DNAJC24: variants seen among roughly 807,000 people sequenced by gnomAD.
The protein encoded by DNAJC24 is DnaJ heat shock protein family (Hsp40) member C24, also known as dnaJ homolog subfamily C member 24.
A neutral mutation model predicts 18.0 loss-of-function variants in DNAJC24; 17 were observed. The observed-to-expected ratio is 0.94, with a 90% CI of 0.65 to 1.42. The LOEUF (loss-of-function observed/expected upper bound fraction) is 1.42, where lower values mean the gene tolerates loss of function less well. Among genes scored for constraint, DNAJC24 ranks in the 40% most tolerant of loss-of-function variants. The pLI is 0.00. For synonymous variants in DNAJC24, 55 were observed against 57.7 expected (o/e 0.95, Z 0.21); for missense variants, 158 against 175.6 (o/e 0.90, Z 0.57).
At chr11:31,417,421 G>A (rs998983202) in intron 3 of DNAJC24, 1 of 152,004 alleles carries the variant, frequency 6.6e-6, no homozygotes, top group African/African-American at 2.4e-5. Context: ...AAATGAACTT[G>A]AACATCTCTA....
intron 2 of DNAJC24, among the ~76,000 whole-genome samples, chr11:31,403,210 G>C (rs1439544254): frequency 6.6e-6 from 1 of 151,562 alleles, no homozygotes; most frequent in Non-Finnish European, 1.5e-5. Flanking sequence ...TTCTAGTTGT[G>C]TTACTGAACT....
intron 2 of DNAJC24, 58 bp from the exon 3 acceptor site, chr11:31,414,750 TAAA>T: frequency 6.6e-7 from 1 of 1,506,092 alleles, no homozygotes; most frequent in Non-Finnish European, 8.9e-7. Context: ...ACAATTTTTT[TAAA>T]TCTAACCCCA....
chr11:31,408,438 C>T (rs1308912962), intron 2 of DNAJC24: 4 of 260,776 alleles, frequency 1.5e-5, no homozygotes, highest in Non-Finnish European at 3.0e-5. Context: ...GTGACAGTCA[C>T]TCTGGAATTA....
intron 2 of DNAJC24, chr11:31,384,626 ATGTGAAC>A (rs546737226): frequency 8.7e-4 from 133 of 152,366 alleles, no homozygotes; most frequent in Non-Finnish European, 1.0e-3. Context: ...CCCTTGACCC[ATGTGAAC>A]TGATGACAGA....
At position 31,370,740 on chromosome 11, in the gene DNAJC24, G is replaced by T. The variant is rs367627351; in HGVS notation, c.-9G>T. ...GCTAATCTGAGAAGGCCCACTTCTG[G>T]TTCCATGGATGATGGCGGTTGAGCA... On this transcript the variant is annotated 5_prime_UTR_variant, in exon 2 of 5. Coordinates refer to ENST00000465995, the MANE Select transcript of DNAJC24 (RefSeq NM_181706.5). The T allele has an allele frequency of 2.3e-4, 371 of 1,592,174 alleles. 5 individuals carry two copies. In the Middle Eastern group the frequency reaches 4.0e-3, roughly 17 times the overall value.
At chr11:31,389,549 A>G (rs1952467353) in intron 2 of DNAJC24, among the ~76,000 whole-genome samples, 1 of 152,232 alleles carries the variant, frequency 6.6e-6, no homozygotes. Context: ...GTAGAACCCA[A>G]TACAGTAATA....
chr11:31,412,415 A>G (rs1360529774), intron 2 of DNAJC24, among the ~76,000 whole-genome samples: 1 of 152,222 alleles, frequency 6.6e-6, no homozygotes, highest in Admixed American at 6.5e-5. Flanking sequence ...TCATAAATGT[A>G]TCCTGGCATA....
At chr11:31,372,772 T>TCAA (rs1952278112) in intron 2 of DNAJC24, among the ~76,000 whole-genome samples, 2 of 135,624 alleles carry the variant, frequency 1.5e-5, no homozygotes, top group Non-Finnish European at 3.4e-5. Context: ...GCTATTGGAG[T>TCAA]TTTTGCAATT....
intron 2 of DNAJC24, among the ~76,000 whole-genome samples, chr11:31,401,915 C>A (rs984065971): frequency 1.9e-4 from 29 of 152,162 alleles, no homozygotes; most frequent in Non-Finnish European, 4.4e-5. Flanking sequence ...GGATTATTCA[C>A]AAAGATTCCA....
rs192550690 is a variant in DNAJC24, at chr11:31,381,347, A to G, written c.111+10488A>G. Among the ~76,000 whole-genome samples, 28 of 152,218 alleles carry G rather than the reference A, an allele frequency of 1.8e-4. 1 individual carries two copies. Among genetic ancestry groups the G allele is most frequent in the Admixed American group, 1.3e-3 (20 of 15,286 alleles). On this transcript the variant is annotated intron_variant, in intron 2 of 4. Transcript: ENST00000465995. Reference sequence around the variant, plus strand: ...AATTATTTTCTGTGTCACAAATACAATTAATGTTGTTGTGTCCATGTTATC... The same window carrying G: ...AATTATTTTCTGTGTCACAAATACAGTTAATGTTGTTGTGTCCATGTTATC...
At chr11:31,372,787 C>T (rs914810557) in intron 2 of DNAJC24, among the ~76,000 whole-genome samples, 2 of 135,322 alleles carry the variant, frequency 1.5e-5, no homozygotes, top group African/African-American at 5.0e-5. Flanking sequence ...GCAATTTTGC[C>T]ACCATTGACA....
At position 31,430,307 on chromosome 11, in the gene DNAJC24, G is replaced by GA. The variant is rs1952907425; in HGVS notation, c.360dup (p.Tyr121IlefsTer7). The GA allele has an allele frequency of 6.2e-7, 1 of 1,610,798 alleles. No individual in the cohort carries two copies. Among genetic ancestry groups the GA allele is most frequent in the Non-Finnish European group, 8.5e-7 (1 of 1,177,852 alleles). The stretch of plus-strand genomic sequence containing the variant: ...TTTTATCTGAGTTGCAGATGTGGTG[G>GA]AAAATACAGTGTTTCCAAGGATGAA... On this transcript the variant is annotated frameshift_variant, in exon 5 of 5. Coordinates refer to ENST00000465995, the MANE Select transcript of DNAJC24 (RefSeq NM_181706.5).
chr11:31,415,052 T>C, intron 3 of DNAJC24, 103 bp downstream of exon 3: 4 of 1,292,240 alleles, frequency 3.1e-6, no homozygotes, highest in South Asian at 3.1e-5. Context: ...CCAAGTGTTA[T>C]TGTTGCCTTT....
At chr11:31,415,431 G>T (rs533761947) in intron 3 of DNAJC24, 4 of 152,158 alleles carry the variant, frequency 2.6e-5, no homozygotes, top group Admixed American at 2.6e-4. Flanking sequence ...CTTGTGATTG[G>T]TATAAATGAT....
intron 2 of DNAJC24, among the ~76,000 whole-genome samples, chr11:31,389,983 A>G (rs1952472621): frequency 6.6e-6 from 1 of 152,226 alleles, no homozygotes; most frequent in Non-Finnish European, 1.5e-5. Context: ...AACACAACAT[A>G]CCAAAACCTA....
chr11:31,405,107 CTG>C (rs1201231135), intron 2 of DNAJC24, among the ~76,000 whole-genome samples: 3 of 141,958 alleles, frequency 2.1e-5, no homozygotes, highest in Admixed American at 1.5e-4. Flanking sequence ...AGTCTCCACT[CTG>C]TTGCTCAGGC....
rs188411167 is a variant in DNAJC24 at position 31,432,153 on chromosome 11, A to T, written c.*1752A>T. 1.3e-5 allele frequency among the ~76,000 whole-genome samples: 2 copies of T among 152,308 alleles called. No homozygotes were observed. The highest frequency in any genetic ancestry group is 4.8e-5 in the African/African-American group (2 of 41,560). ...ATAAATACGAATAGTTACTACTCTG[A>T]CTTGTAAATGTAGCTGCTAAAGTAT... On this transcript the variant is annotated 3_prime_UTR_variant, in exon 5 of 5. Coordinates refer to ENST00000465995, the MANE Select transcript of DNAJC24 (RefSeq NM_181706.5).
intron 2 of DNAJC24, among the ~76,000 whole-genome samples, chr11:31,401,429 CTCT>C (rs1952600198): frequency 6.6e-6 from 1 of 151,926 alleles, no homozygotes; most frequent in Non-Finnish European, 1.5e-5. Context: ...CTTCCTCCTC[CTCT>C]TCTGTTTTCT....
chr11:31,378,614 CTG>C (rs1456158701), intron 2 of DNAJC24, among the ~76,000 whole-genome samples: 1 of 150,958 alleles, frequency 6.6e-6, no homozygotes, highest in Non-Finnish European at 1.5e-5. Flanking sequence ...ACTTTGAAAA[CTG>C]TATTAAAAAA....
Sources: gnomAD v4.1 joint callset for allele counts (sites outside exome capture counted in the v4.1 genomes callset) on GRCh38, gnomAD v4.1.1 for gene constraint, MANE v1.5 for transcripts, NCBI Gene and HGNC (gene_info 2026-07-23, HGNC 2026-07-21) for gene names.